The following PLPP3 variants were observed in gnomAD, a reference collection of about 807,000 sequenced individuals.
PLPP3 encodes the protein phospholipid phosphatase 3.
Under a neutral mutation model 29.6 loss-of-function variants are expected in PLPP3, and 6 were observed. That is an observed-to-expected ratio of 0.20 (90% CI 0.11 to 0.40). The LOEUF (loss-of-function observed/expected upper bound fraction) is 0.40, where lower values mean the gene tolerates loss of function less well. Among genes scored for constraint, PLPP3 ranks in the 10% least tolerant of loss-of-function variants. The pLI is 1.00. For synonymous variants in PLPP3, 152 were observed against 159.7 expected (o/e 0.95, Z 0.36); for missense variants, 308 against 407.7 (o/e 0.76, Z 2.11).
chr1:56,512,137 G>T lies in PLPP3; in HGVS notation c.649C>A (p.Arg217Ser). 6.2e-7 allele frequency: 1 copy of T among 1,601,554 alleles called. No individual in the cohort carries two copies. The highest frequency in any genetic ancestry group is 8.5e-7 in the Non-Finnish European group (1 of 1,176,270). Residue 217 changes from arginine (R) to serine (S), a missense_variant, in exon 5 of 6, where the codon CGC becomes AGC. Physicochemically the swap from Arg to Ser is moderately radical, Grantham distance 110. Around this residue, in one of 3 missense-constraint regions of PLPP3, gnomAD observed 232 missense variants for 317.2 expected, o/e 0.73. Transcript: ENST00000371250. ...MLYLVLYLQARFTWRGARLLR... is the reference protein window; with the variant it reads ...MLYLVLYLQASFTWRGARLLR... The stretch of plus-strand genomic sequence containing the variant: ...AGGCGGGCTCCTCGCCAAGTGAAGC[G>T]GGCCTGCAGGTATAGCTGGAGAAAG...
chr1:56,521,530 A>G (rs1244140939), intron 4 of PLPP3, among the ~76,000 whole-genome samples: 1 of 152,050 alleles, frequency 6.6e-6, no homozygotes, highest in African/African-American at 2.4e-5. Context: ...GGGGGATATA[A>G]TAACATGCTG....
At chr1:56,577,845 T>C (rs2100318272) in intron 1 of PLPP3, among the ~76,000 whole-genome samples, 1 of 152,090 alleles carries the variant, frequency 6.6e-6, no homozygotes, top group Non-Finnish European at 1.5e-5. Flanking sequence ...GGCAGTTAAG[T>C]GGCACACCCA....
At chr1:56,528,586 G>A (rs950433108) in intron 2 of PLPP3, among the ~76,000 whole-genome samples, 3 of 151,962 alleles carry the variant, frequency 2.0e-5, no homozygotes, top group Non-Finnish European at 1.5e-5. Flanking sequence ...GGATTGCCAG[G>A]GAATTAGATA....
intron 1 of PLPP3, among the ~76,000 whole-genome samples, chr1:56,555,454 A>AAC (rs1237400347): frequency 5.3e-4 from 79 of 149,522 alleles, no homozygotes; most frequent in Middle Eastern, 3.4e-3. Context: ...AAAAAAAAAA[A>AAC]AAAAAACAAA....
intron 2 of PLPP3, among the ~76,000 whole-genome samples, chr1:56,527,322 T>C (rs955966980): frequency 3.9e-5 from 6 of 152,212 alleles, no homozygotes; most frequent in African/African-American, 7.2e-5. Context: ...TTTTGTACTG[T>C]AGTTTCATTG....
rs79525919 is a variant in PLPP3, at chr1:56,515,482, G to A, written c.634-3330C>T. On this transcript the variant is annotated intron_variant, in intron 4 of 5. Coordinates refer to ENST00000371250, the MANE Select transcript of PLPP3 (RefSeq NM_003713.5). The stretch of plus-strand genomic sequence containing the variant: ...CCCCTGATTCAGATACTTAAGGTTG[G>A]AGCTTAATACAAGAAAAAAATAAAT... Among the ~76,000 whole-genome samples the A allele has an allele frequency of 3.3e-3, 497 of 152,210 alleles. 1 individual carries two copies. The highest frequency in any genetic ancestry group is 6.8e-3 in the Middle Eastern group (2 of 294).
In PLPP3 at chr1:56,509,694, C is replaced by T. The variant is rs182298673; in HGVS notation, c.810+2282G>A. 1.4e-3 allele frequency among the ~76,000 whole-genome samples: 216 copies of T among 152,046 alleles called. 2 individuals are homozygous for T. Among genetic ancestry groups the T allele is most frequent in the Middle Eastern group, 6.8e-3 (2 of 294 alleles). Reference sequence around the variant, plus strand: ...ATCTCTACAGAAATACAAAAATTAGCCAGGCATGACGGTGGGTGCCTGTAA... The same window carrying T: ...ATCTCTACAGAAATACAAAAATTAGTCAGGCATGACGGTGGGTGCCTGTAA... On this transcript the variant is annotated intron_variant, in intron 5 of 5. Coordinates refer to ENST00000371250, the MANE Select transcript of PLPP3 (RefSeq NM_003713.5).
At chr1:56,570,074 G>T (rs1646187530) in intron 1 of PLPP3, among the ~76,000 whole-genome samples, 1 of 152,098 alleles carries the variant, frequency 6.6e-6, no homozygotes, top group East Asian at 1.9e-4. Context: ...ATTCCTTAAG[G>T]CCATGGAAAC....
At position 56,579,031 on chromosome 1, in the gene PLPP3, C is replaced by G; in HGVS notation, c.-15G>C. ...TAGTTTTGCATGGCGCTGGCTGCGG[C>G]GCGAGCCTCCCGCCCCGCGAAGACG... is the stretch of plus-strand genomic sequence containing the variant. On this transcript the variant is annotated 5_prime_UTR_variant, in exon 1 of 6. Coordinates refer to ENST00000371250, the MANE Select transcript of PLPP3 (RefSeq NM_003713.5). 6.3e-7 allele frequency: 1 copy of G among 1,582,712 alleles called. No individual in the cohort carries two copies. Among genetic ancestry groups the G allele is most frequent in the Non-Finnish European group, 8.6e-7 (1 of 1,168,252 alleles).
intron 2 of PLPP3, among the ~76,000 whole-genome samples, chr1:56,533,692 C>T (rs1645905951): frequency 6.6e-6 from 1 of 152,156 alleles, no homozygotes; most frequent in South Asian, 2.1e-4. Context: ...TCTCACTTAT[C>T]ACACACACAA....
At chr1:56,498,673 AC>A (rs746512946) in intron 5 of PLPP3, among the ~76,000 whole-genome samples, 1 of 150,428 alleles carries the variant, frequency 6.6e-6, no homozygotes, top group Admixed American at 6.6e-5. Context: ...TCATTCTGTC[AC>A]CCAGGCTGGA....
intron 1 of PLPP3, 41 bp from the exon 2 acceptor site, chr1:56,537,153 G>T (rs766647732): frequency 6.4e-7 from 1 of 1,569,082 alleles, no homozygotes; most frequent in South Asian, 1.2e-5. Flanking sequence ...GAAAAAAAAA[G>T]AAAAAAAGGA....
At chr1:56,512,695 G>C (rs1645751994) in intron 4 of PLPP3, 1 of 152,152 alleles carries the variant, frequency 6.6e-6, no homozygotes. Context: ...AGGAAAAATA[G>C]AGTTTATCTA....
chr1:56,578,980 C>G lies in PLPP3; in HGVS notation c.37G>C (p.Glu13Gln). The change falls in exon 1 of 6, where the codon GAG (glutamate) becomes CAG (glutamine). Residue 13 changes from glutamate to glutamine, a missense_variant. Coordinates refer to ENST00000371250, the MANE Select transcript of PLPP3 (RefSeq NM_003713.5). ...NYKYDKAIVP[E>Q]SKNGGSPALN... ...GCCGGGCTGCCGCCGTTCTTGCTCT[C>G]CGGGACGATCGCTTTGTCGTACTTG... The G allele has an allele frequency of 6.2e-7, 1 of 1,602,666 alleles. No homozygotes were observed. Among genetic ancestry groups the G allele is most frequent in the Non-Finnish European group, 8.5e-7 (1 of 1,175,512 alleles).
chr1:56,544,665 T>C (rs934304375), intron 1 of PLPP3, among the ~76,000 whole-genome samples: 1 of 152,238 alleles, frequency 6.6e-6, no homozygotes, highest in Non-Finnish European at 1.5e-5. Flanking sequence ...AAACAAGATA[T>C]GTAATAGAAC....
intron 1 of PLPP3, among the ~76,000 whole-genome samples, chr1:56,564,266 G>A (rs985169068): frequency 7.9e-5 from 12 of 152,164 alleles, no homozygotes; most frequent in African/African-American, 2.2e-4. Context: ...GATGAGATTC[G>A]TGGATGTGTC....
chr1:56,499,962 C>A (rs527649088), intron 5 of PLPP3, among the ~76,000 whole-genome samples: 1 of 152,260 alleles, frequency 6.6e-6, no homozygotes, highest in South Asian at 2.1e-4. Flanking sequence ...CAATCCTACT[C>A]CACAGATCTC....
intron 5 of PLPP3, among the ~76,000 whole-genome samples, chr1:56,508,187 G>A (rs1645716692): frequency 6.6e-6 from 1 of 152,310 alleles, no homozygotes; most frequent in South Asian, 2.1e-4. Context: ...TTCCATCAAA[G>A]GGGACAGGTA....
intron 4 of PLPP3, among the ~76,000 whole-genome samples, chr1:56,516,108 T>C (rs72920446): frequency 6.6e-6 from 1 of 152,222 alleles, no homozygotes; most frequent in African/African-American, 2.4e-5. Context: ...GCACAATGAC[T>C]TTCCATCCAG....
Sources: gnomAD v4.1 joint callset for allele counts (sites outside exome capture counted in the v4.1 genomes callset) on GRCh38, gnomAD v4.1.1 for gene constraint, gnomAD v4.1.1 regional missense constraint, MANE v1.5 for transcripts, NCBI Gene and HGNC (gene_info 2026-07-23, HGNC 2026-07-21) for gene names.